SLC2A12: variants seen among roughly 807,000 people sequenced by gnomAD.
SLC2A12 encodes solute carrier family 2, facilitated glucose transporter member 12.
In SLC2A12, 23 loss-of-function variants were observed where a neutral mutation model predicts 41.8. The observed-to-expected ratio is 0.55, with a 90% confidence interval of 0.40 to 0.78. The LOEUF (loss-of-function observed/expected upper bound fraction) is 0.78. SLC2A12 is among the 30% of genes least tolerant of loss of function. The pLI is 0.00. For missense variants in SLC2A12, 654 were observed against 745.6 expected, an observed-to-expected ratio of 0.88 and a Z score of 1.43; for synonymous variants, 295 against 285.9, an observed-to-expected ratio of 1.03 and a Z score of -0.32.
chr6:134,006,703 T>TA (rs1776820291), intron 3 of SLC2A12, 109 bp downstream of exon 3: 1 of 1,404,430 alleles, frequency 7.1e-7, no homozygotes, highest in East Asian at 2.5e-5. Flanking sequence ...GTTCTCCTTC[T>TA]AAGTGTGTTT....
chr6:134,038,136 G>A (rs924454623), intron 1 of SLC2A12, among the ~76,000 whole-genome samples: 13 of 152,138 alleles, frequency 8.5e-5, no homozygotes, highest in Admixed American at 6.6e-4. Context: ...GAAATGTTGC[G>A]ATCTTTCTTT....
Position 134,028,820 on chromosome 6 carries a change from A to G in SLC2A12, c.1005T>C (p.Thr335=). 1 of 1,614,204 alleles carries G rather than the reference A, an allele frequency of 6.2e-7. No homozygotes were observed. Residue 335 remains threonine (T), a synonymous_variant, in exon 2 of 5, where the codon ACT becomes ACC. Transcript: ENST00000275230. ...VVKVISTIPA[T]LLVDHVGSKT... ...TGCTGCCGACATGGTCTACAAGAAGAGTGGCAGGGATGGTGCTAATGACCT... is the reference window on the plus strand; with the variant it reads ...TGCTGCCGACATGGTCTACAAGAAGGGTGGCAGGGATGGTGCTAATGACCT...
chr6:134,002,947 C>T (rs537563005), intron 3 of SLC2A12, among the ~76,000 whole-genome samples: 1 of 152,312 alleles, frequency 6.6e-6, no homozygotes, highest in South Asian at 2.1e-4. Flanking sequence ...CAGTGGCCCC[C>T]ACAGTGCACT....
chr6:134,050,062 G>A (rs528234090), intron 1 of SLC2A12, among the ~76,000 whole-genome samples: 2 of 152,258 alleles, frequency 1.3e-5, no homozygotes, highest in South Asian at 4.1e-4. Flanking sequence ...AAGCCAAAAG[G>A]AGTATTTGAC....
At chr6:133,994,323 G>A (rs994608172) in intron 4 of SLC2A12, among the ~76,000 whole-genome samples, 1 of 152,200 alleles carries the variant, frequency 6.6e-6, no homozygotes, top group East Asian at 1.9e-4. Flanking sequence ...TTAGGTATCT[G>A]TTAGACATTT....
intron 2 of SLC2A12, among the ~76,000 whole-genome samples, chr6:134,022,731 C>T (rs1271489142): frequency 6.6e-6 from 1 of 152,132 alleles, no homozygotes; most frequent in Non-Finnish European, 1.5e-5. Context: ...TTAAGGAATA[C>T]TGGTGTGAAA....
rs1314738278 is a variant in SLC2A12 at position 134,028,729 on chromosome 6, G to A, written c.1096C>T (p.Leu366Phe). The A allele has an allele frequency of 1.2e-6, 2 of 1,614,156 alleles. No individual in the cohort carries two copies. The highest frequency in any genetic ancestry group is 1.6e-4 in the Middle Eastern group (1 of 6,062). ...ASLVTMGIVN[L>F]NIHMNFTHIC... ...TGGGTGAAGTTCATGTGGATGTTGA[G>A]ATTTACGATGCCCATGGTCACCAAC... is the stretch of plus-strand genomic sequence containing the variant. The change falls in exon 2 of 5, where the codon CTC becomes TTC. Residue 366 changes from leucine (L) to phenylalanine (F), a missense_variant. By Grantham distance (22) the Leu-to-Phe change is conservative (BLOSUM62 0). Around this residue, in one of 3 missense-constraint regions of SLC2A12, gnomAD observed 411 missense variants for 412.1 expected, o/e 1.00. Coordinates refer to ENST00000275230, the MANE Select transcript of SLC2A12 (RefSeq NM_145176.3).
intron 1 of SLC2A12, among the ~76,000 whole-genome samples, chr6:134,036,152 C>A (rs1488181709): frequency 1.8e-4 from 27 of 152,196 alleles, no homozygotes; most frequent in Non-Finnish European, 1.5e-5. Flanking sequence ...GAAAAGCATG[C>A]ACACACAGGT....
chr6:134,039,221 A>C (rs1777347364), intron 1 of SLC2A12, among the ~76,000 whole-genome samples: 1 of 152,150 alleles, frequency 6.6e-6, no homozygotes, highest in Admixed American at 6.5e-5. Flanking sequence ...TCTGCATCCT[A>C]GAAGAACTTC....
At chr6:134,009,403 T>C (rs577363625) in intron 2 of SLC2A12, among the ~76,000 whole-genome samples, 1 of 152,298 alleles carries the variant, frequency 6.6e-6, no homozygotes, top group South Asian at 2.1e-4. Context: ...GTCTACTTCT[T>C]TTTTGATTGA....
intron 2 of SLC2A12, among the ~76,000 whole-genome samples, chr6:134,024,353 A>G (rs1379786850): frequency 6.6e-6 from 1 of 152,226 alleles, no homozygotes; most frequent in Non-Finnish European, 1.5e-5. Flanking sequence ...TCAGAAGGCC[A>G]CCACCAGATG....
chr6:134,032,800 ATATAATTTATATCTATATATATAAAT>A (rs1386444205), intron 1 of SLC2A12, among the ~76,000 whole-genome samples: 3 of 141,876 alleles, frequency 2.1e-5, no homozygotes, highest in Non-Finnish European at 4.6e-5. Context: ...TATTATATAT[ATATAATTTATATCTATATATATAAAT>A]TATATATTAT....
At chr6:134,032,441 TATATATAA>T (rs1444035163) in intron 1 of SLC2A12, among the ~76,000 whole-genome samples, 38 of 36,496 alleles carry the variant, frequency 1.0e-3, no homozygotes, top group African/African-American at 4.4e-3. Flanking sequence ...TATATATATA[TATATATAA>T]ATATATATAT....
At chr6:134,022,456 G>C (rs1038744091) in intron 2 of SLC2A12, among the ~76,000 whole-genome samples, 6 of 145,740 alleles carry the variant, frequency 4.1e-5, no homozygotes, top group African/African-American at 1.0e-4. Context: ...TCTTGAACCC[G>C]GGAGGCAGAG....
chr6:134,033,456 T>G (rs2114488610), intron 1 of SLC2A12, among the ~76,000 whole-genome samples: 1 of 152,284 alleles, frequency 6.6e-6, no homozygotes, highest in African/African-American at 2.4e-5. Context: ...TGTATTATTC[T>G]TATCTCTGCT....
chr6:134,007,073 G>T, intron 2 of SLC2A12, 139 bp from the exon 3 acceptor site: 1 of 1,214,304 alleles, frequency 8.2e-7, no homozygotes, highest in Non-Finnish European at 1.1e-6. Flanking sequence ...TACCTCAGCA[G>T]AACAGGACAG....
chr6:134,021,133 A>G (rs1023061325), intron 2 of SLC2A12, among the ~76,000 whole-genome samples: 8 of 152,226 alleles, frequency 5.3e-5, no homozygotes, highest in Admixed American at 5.2e-4. Context: ...TTGTTCTGCA[A>G]AAAGCCTCGT....
Position 134,028,636 on chromosome 6 carries a change from G to C in SLC2A12, c.1189C>G (p.Leu397Val), listed in dbSNP as rs1262846782. 1.9e-6 allele frequency: 3 copies of C among 1,614,192 alleles called. No homozygotes were observed. The Admixed American group carries it at 5.0e-5, about 27-fold the overall frequency. Reference protein sequence around the residue: ...DESVIYGPGNLSTNNNTLRDH... With the variant: ...DESVIYGPGNVSTNNNTLRDH... ...CTGAGAGTATTGTTGTTGGTTGACA[G>C]GTTTCCTGGTCCATAAATCACAGAC... is the stretch of plus-strand genomic sequence containing the variant. Residue 397 changes from leucine (L) to valine (V), a missense_variant, in exon 2 of 5, where the codon CTG (leucine) becomes GTG (valine). This residue lies in a region of SLC2A12 where 411 missense variants were observed against 412.1 expected (regional missense o/e 1.00). Transcript: ENST00000275230.
chr6:134,017,841 G>C (rs576801547), intron 2 of SLC2A12, among the ~76,000 whole-genome samples: 6 of 150,368 alleles, frequency 4.0e-5, no homozygotes, highest in African/African-American at 1.5e-4. Flanking sequence ...CTGGGCGACA[G>C]AGCGAGACTC....
Sources: allele counts gnomAD v4.1 joint callset (sites outside exome capture counted in the v4.1 genomes callset), GRCh38; gene constraint gnomAD v4.1.1; regional missense constraint gnomAD v4.1.1; transcripts MANE v1.5; gene names NCBI Gene and HGNC (gene_info 2026-07-23, HGNC 2026-07-21).